Variants in CYP4A22 observed in about 807,000 individuals in gnomAD.
The protein encoded by CYP4A22 is cytochrome P450 family 4 subfamily A member 22.
A neutral mutation model predicts 56.2 loss-of-function variants in CYP4A22; 46 were observed. The observed-to-expected ratio is 0.82, with a 90% CI of 0.65 to 1.05. The LOEUF is 1.05. Ranked by LOEUF, CYP4A22 falls within the 50% of genes least tolerant of loss-of-function variation. The pLI is 0.00. For missense variants in CYP4A22, 541 were observed against 645.9 expected, an observed-to-expected ratio of 0.84 and a Z score of 1.76; for synonymous variants, 193 against 251.1, an observed-to-expected ratio of 0.77 and a Z score of 2.19.
At chr1:47,147,618 G>C (rs569747306) in intron 11 of CYP4A22, among the ~76,000 whole-genome samples, 157 of 152,336 alleles carry the variant, frequency 1.0e-3, no homozygotes, top group African/African-American at 3.7e-3. Flanking sequence ...GACAAATCAC[G>C]AATGCTACCT....
At chr1:47,137,712 G>A (rs1644959532) in intron 1 of CYP4A22, 32 bp downstream of exon 1, 1 of 1,580,734 alleles carries the variant, frequency 6.3e-7, no homozygotes, top group Non-Finnish European at 8.6e-7. Flanking sequence ...GAGTGGGAGG[G>A]CAAGGAGGGA....
chr1:47,140,279 T>C (rs1330813119), intron 1 of CYP4A22, among the ~76,000 whole-genome samples: 1 of 152,240 alleles, frequency 6.6e-6, no homozygotes, highest in Non-Finnish European at 1.5e-5. Flanking sequence ...CACAATTTTA[T>C]AGTTAATCTT....
At position 47,140,016 on chromosome 1, in the gene CYP4A22, G is replaced by C. The variant is rs149558498; in HGVS notation, c.196-764G>C. Among the ~76,000 whole-genome samples the C allele has an allele frequency of 7.4e-3, 1,124 of 152,308 alleles. 23 individuals are homozygous for C. The highest frequency in any genetic ancestry group is 0.06 in the East Asian group (313 of 5,174). ...GTTGGAGCTGAAACAAACGGGTGAT[G>C]GTGGAATTGCCAGCAGGGCTGGAGG... On this transcript the variant is annotated intron_variant, in intron 1 of 11. Transcript: ENST00000371891.
chr1:47,140,765 T>C lies in CYP4A22; in HGVS notation c.196-15T>C, dbSNP rs1306770653. 3.7e-6 allele frequency: 6 copies of C among 1,614,024 alleles called. No individual in the cohort carries two copies. Among genetic ancestry groups the C allele is most frequent in the Non-Finnish European group, 5.1e-6 (6 of 1,179,900 alleles). ...AAGTAAATGAAAGTGTTCATCTGTCTACCCTCGTTGACAGTTCCAACACGA... is the reference window on the plus strand; with the variant it reads ...AAGTAAATGAAAGTGTTCATCTGTCCACCCTCGTTGACAGTTCCAACACGA... On this transcript the variant is annotated splice_polypyrimidine_tract_variant and intron_variant, in intron 1 of 11. Coordinates refer to ENST00000371891, the MANE Select transcript of CYP4A22 (RefSeq NM_001010969.4).
chr1:47,144,472 G>A lies in CYP4A22; in HGVS notation c.897+9G>A, dbSNP rs542576475. ...TCCTCCTCTTGGCCAAAGTGAGTAT[G>A]TGTAGGAGAGGCCTGAGTCTTTGCC... On this transcript the variant is annotated intron_variant, in intron 7 of 11. Transcript: ENST00000371891. 3.1e-6 allele frequency: 5 copies of A among 1,614,016 alleles called. No homozygotes were observed. The highest frequency in any genetic ancestry group is 2.7e-5 in the African/African-American group (2 of 75,062).
At chr1:47,148,459 G>A (rs1645098262) in intron 11 of CYP4A22, 143 bp from the exon 12 acceptor site, 23 of 1,184,320 alleles carry the variant, frequency 1.9e-5, no homozygotes, top group Middle Eastern at 2.9e-4. Context: ...AGAAGTGTCC[G>A]TGGGCTGTAA....
At chr1:47,138,745 G>A (rs568830567) in intron 1 of CYP4A22, among the ~76,000 whole-genome samples, 29 of 152,354 alleles carry the variant, frequency 1.9e-4, no homozygotes, top group African/African-American at 6.7e-4. Flanking sequence ...CACACCAGGT[G>A]TAGAGGAACA....
intron 4 of CYP4A22, 132 bp from the exon 5 acceptor site, chr1:47,143,129 CTGTAAAGT>C (rs1340883961): frequency 6.7e-7 from 1 of 1,486,846 alleles, no homozygotes; most frequent in Non-Finnish European, 9.0e-7. Context: ...TGCATCTGCT[CTGTAAAGT>C]GAAGAATCCC....
intron 1 of CYP4A22, among the ~76,000 whole-genome samples, chr1:47,138,824 C>G (rs1044671416): frequency 6.6e-6 from 1 of 152,200 alleles, no homozygotes; most frequent in Non-Finnish European, 1.5e-5. Flanking sequence ...GCACTGCTAT[C>G]CCTGCATGGG....
Position 47,148,791 on chromosome 1 carries a change from G to A in CYP4A22, c.1554G>A (p.Gln518=). The A allele has an allele frequency of 6.2e-7, 1 of 1,601,006 alleles. No individual in the cohort carries two copies. ...CTAACCCTTGTGAAGACAAGGACCAGCTTTGAGGGCCTCCACCTGCCATCC... is the reference window on the plus strand; with the variant it reads ...CTAACCCTTGTGAAGACAAGGACCAACTTTGAGGGCCTCCACCTGCCATCC... ...RLPNPCEDKD[Q]L is the part of the protein sequence containing the mutation. Residue 518 remains glutamine (Q), a synonymous_variant, in exon 12 of 12, where the codon CAG becomes CAA. Transcript: ENST00000371891.
intron 10 of CYP4A22, 33 bp downstream of exon 10, chr1:47,145,963 A>C (rs764074045): frequency 6.2e-7 from 1 of 1,614,076 alleles, no homozygotes; most frequent in East Asian, 2.2e-5. Context: ...AAATGGGGTG[A>C]TCTCTCAAGA....
intron 3 of CYP4A22, 125 bp from the exon 4 acceptor site, chr1:47,141,983 G>A (rs1158404554): frequency 1.4e-6 from 2 of 1,391,974 alleles, no homozygotes; most frequent in African/African-American, 2.9e-5. Context: ...TGCCCATGAT[G>A]TGGCTTCTTC....
chr1:47,145,644 T>C (rs1645067557), intron 9 of CYP4A22, among the ~76,000 whole-genome samples: 1 of 152,244 alleles, frequency 6.6e-6, no homozygotes, highest in Non-Finnish European at 1.5e-5. Context: ...GCTCTGATTC[T>C]TTTTTGCTTC....
At position 47,149,394 on chromosome 1, in the gene CYP4A22, T is replaced by A. The variant is rs1179050911; in HGVS notation, c.*597T>A. Reference sequence around the variant, plus strand: ...ACATGCCCTTTCGACCCACCCCCCATTCTCACCACCTGTTTCTTTGTTTGA... The same window carrying A: ...ACATGCCCTTTCGACCCACCCCCCAATCTCACCACCTGTTTCTTTGTTTGA... On this transcript the variant is annotated 3_prime_UTR_variant, in exon 12 of 12. Coordinates refer to ENST00000371891, the MANE Select transcript of CYP4A22 (RefSeq NM_001010969.4). The A allele has an allele frequency of 2.6e-5, 4 of 153,110 alleles. No homozygotes were observed. The highest frequency in any genetic ancestry group is 9.6e-5 in the African/African-American group (4 of 41,494). The allele number at this position is 153,110 out of a possible 1,614,324, so 9.5% of individuals were successfully genotyped here.
chr1:47,145,444 C>A (rs373273521), intron 9 of CYP4A22, among the ~76,000 whole-genome samples: 2 of 152,206 alleles, frequency 1.3e-5, no homozygotes, highest in Admixed American at 6.5e-5. Flanking sequence ...CCTGCTATAA[C>A]CTAGTTGTGT....
chr1:47,148,458 C>T (rs1420677579), intron 11 of CYP4A22, 144 bp from the exon 12 acceptor site: 22 of 1,168,390 alleles, frequency 1.9e-5, no homozygotes, highest in Non-Finnish European at 2.2e-5. Context: ...TAGAAGTGTC[C>T]GTGGGCTGTA....
intron 3 of CYP4A22, 103 bp from the exon 4 acceptor site, chr1:47,142,005 T>C: frequency 2.0e-6 from 3 of 1,500,004 alleles, no homozygotes; most frequent in South Asian, 1.4e-5. Flanking sequence ...GGATAGTTCT[T>C]CCCCCAGGAA....
In CYP4A22 at chr1:47,143,836, A is replaced by G. The variant is rs777837250; in HGVS notation, c.710A>G (p.His237Arg). The G allele has an allele frequency of 1.5e-5, 25 of 1,614,046 alleles. No homozygotes were observed. Among genetic ancestry groups the G allele is most frequent in the East Asian group, 2.2e-5 (1 of 44,880 alleles). Residue 237 changes from histidine (H) to arginine (R), a missense_variant, in exon 6 of 12, where the codon CAT (histidine) becomes CGT (arginine). His to Arg is a conservative substitution (Grantham distance 29). Transcript: ENST00000371891. ...TTTTGCTGTATGAGGAATGCCTTTC[A>G]TGAGAATGACACCATCTACAGCCTG... ...LVFCCMRNAF[H>R]ENDTIYSLTS...
In CYP4A22 at chr1:47,142,539, T is replaced by C. The variant is rs1645024133; in HGVS notation, c.510+304T>C. ...GGACTGGAGGCATATGCAATCTTGTTGGACAGTAGGACTTCCTATGCTGGC... is the reference window on the plus strand; with the variant it reads ...GGACTGGAGGCATATGCAATCTTGTCGGACAGTAGGACTTCCTATGCTGGC... On this transcript the variant is annotated intron_variant, in intron 4 of 11. Coordinates refer to ENST00000371891, the MANE Select transcript of CYP4A22 (RefSeq NM_001010969.4). Among the ~76,000 whole-genome samples the C allele has an allele frequency of 2.6e-5, 4 of 152,238 alleles. No homozygotes were observed. The South Asian group carries it at 8.3e-4, about 32-fold the overall frequency.
Sources: allele counts gnomAD v4.1 joint callset (sites outside exome capture counted in the v4.1 genomes callset), GRCh38; gene constraint gnomAD v4.1.1; transcripts MANE v1.5; gene names NCBI Gene and HGNC (gene_info 2026-07-23, HGNC 2026-07-21).